KCNMA1: variants seen among roughly 807,000 people sequenced by gnomAD.
KCNMA1 encodes Calcium-activated potassium channel subunit alpha-1.
KCNMA1 carries 29 observed loss-of-function variants against 140.0 expected under a neutral mutation model. The observed-to-expected ratio is 0.21, with a 90% CI of 0.15 to 0.28. KCNMA1 has a LOEUF of 0.28. KCNMA1 is among the 10% of genes least tolerant of loss of function. KCNMA1 has a pLI of 1.00. For synonymous variants in KCNMA1, 612 were observed against 611.9 expected, an observed-to-expected ratio of 1.00 and a Z score of 0.00; for missense variants, 880 against 1,602.2, an observed-to-expected ratio of 0.55 and a Z score of 7.70.
intron 1 of KCNMA1, among the ~76,000 whole-genome samples, chr10:77,610,643 T>C (rs2086494058): frequency 6.6e-6 from 1 of 152,202 alleles, no homozygotes; most frequent in African/African-American, 2.4e-5. Context: ...AAAGGCCACA[T>C]ATTGTGTGAT....
intron 2 of KCNMA1, among the ~76,000 whole-genome samples, chr10:77,363,120 A>ATT (rs59354140): frequency 0.028 from 4,280 of 151,066 alleles, 159 homozygotes; most frequent in African/African-American, 0.084. Flanking sequence ...AATTATTATT[A>ATT]TTTTTTTTTT....
At chr10:77,158,480 T>C (rs2098515439) in intron 5 of KCNMA1, among the ~76,000 whole-genome samples, 1 of 152,076 alleles carries the variant, frequency 6.6e-6, no homozygotes, top group African/African-American at 2.4e-5. Context: ...GTCTCCTCTC[T>C]CTCCCCTTCC....
rs565692130 is a variant in KCNMA1, at chr10:77,620,937, A to G, written c.378+16328T>C. On this transcript the variant is annotated intron_variant, in intron 1 of 27. Transcript: ENST00000286628. ...GTGAGTGGCGCCCTGGAATCATGCA[A>G]TGTGGTTACCGGTATTGCCAGAGAG... Among the ~76,000 whole-genome samples, 8 of 152,280 alleles carry G rather than the reference A, an allele frequency of 5.3e-5. No individual in the cohort carries two copies. The South Asian group carries it at 1.2e-3, about 24-fold the overall frequency.
intron 3 of KCNMA1, among the ~76,000 whole-genome samples, chr10:77,229,336 CAAAAAAA>C (rs146613662): frequency 8.1e-6 from 1 of 123,764 alleles, no homozygotes; most frequent in Non-Finnish European, 1.7e-5. Context: ...AAGCCCATGG[CAAAAAAA>C]AAAAAAAAAA....
intron 1 of KCNMA1, among the ~76,000 whole-genome samples, chr10:77,560,169 C>T (rs1259862824): frequency 6.6e-6 from 1 of 152,028 alleles, no homozygotes; most frequent in Non-Finnish European, 1.5e-5. Context: ...GGTGACAGTG[C>T]GAGACTCTGT....
At chr10:77,019,131 T>C (rs2092531859) in intron 16 of KCNMA1, 32 bp from the exon 17 acceptor site, 1 of 1,182,734 alleles carries the variant, frequency 8.5e-7, no homozygotes, top group Non-Finnish European at 1.3e-6. Context: ...ACAGAGAAGA[T>C]ACATTTGTGA....
rs1339261929 is a variant in KCNMA1, at chr10:77,394,340, C to T, written c.540+9522G>A. Among the ~76,000 whole-genome samples, 4 of 152,202 alleles carry T rather than the reference C, an allele frequency of 2.6e-5. No individual in the cohort carries two copies. In the East Asian group the frequency reaches 7.7e-4, roughly 29 times the overall value. ...CCAGCTAGTAAAATTAACAGCTGCTCTTTACAGGGCGTGCCGGAGAGCCCA... is the reference window on the plus strand; with the variant it reads ...CCAGCTAGTAAAATTAACAGCTGCTTTTTACAGGGCGTGCCGGAGAGCCCA... On this transcript the variant is annotated intron_variant, in intron 2 of 27. Transcript: ENST00000286628.
intron 9 of KCNMA1, among the ~76,000 whole-genome samples, chr10:77,100,345 C>T (rs547258546): frequency 1.9e-4 from 29 of 152,096 alleles, no homozygotes; most frequent in African/African-American, 6.8e-4. Context: ...CTCTGAACTG[C>T]CCCCATGTCC....
rs201816214 is a variant in KCNMA1, at chr10:77,445,395, C to CACAT, written c.379-41373_379-41372insATGT. ...ACACACACACACACACACACACACA[C>CACAT]ATATGAAAAATAAAAAAAATCTTGC... On this transcript the variant is annotated intron_variant, in intron 1 of 27. Transcript: ENST00000286628. Among the ~76,000 whole-genome samples, 1,004 of 148,956 alleles carry CACAT rather than the reference C, an allele frequency of 6.7e-3. 11 individuals carry two copies. Among genetic ancestry groups the CACAT allele is most frequent in the African/African-American group, 0.024 (959 of 40,104 alleles).
chr10:77,629,460 A>G (rs1021685071), intron 1 of KCNMA1, among the ~76,000 whole-genome samples: 11 of 152,174 alleles, frequency 7.2e-5, no homozygotes, highest in Non-Finnish European at 7.3e-5. Context: ...ATAGCATCTA[A>G]CAAATTACCC....
intron 1 of KCNMA1, among the ~76,000 whole-genome samples, chr10:77,573,836 CTTTTTT>C (rs71028290): frequency 7.5e-6 from 1 of 133,712 alleles, no homozygotes; most frequent in African/African-American, 2.7e-5. Context: ...TTATAATACT[CTTTTTT>C]TTTTTTTTTT....
intron 14 of KCNMA1, among the ~76,000 whole-genome samples, chr10:77,042,168 G>A (rs947001678): frequency 6.6e-6 from 1 of 151,648 alleles, no homozygotes; most frequent in African/African-American, 2.4e-5. Flanking sequence ...CCCCAGAGTG[G>A]GGTCTTTAAA....
chr10:76,897,334 C>T (rs1300053589), intron 25 of KCNMA1, among the ~76,000 whole-genome samples: 2 of 151,036 alleles, frequency 1.3e-5, no homozygotes, highest in African/African-American at 4.9e-5. Context: ...TAGACCTGTA[C>T]TCGGTGAATA....
At chr10:76,944,733 C>T (rs200820806) in intron 23 of KCNMA1, 40 bp downstream of exon 23, 3 of 1,577,288 alleles carry the variant, frequency 1.9e-6, no homozygotes, top group Non-Finnish European at 2.6e-6. Flanking sequence ...GCCCCTGTCC[C>T]CTGCAGGCAC....
chr10:77,111,607 CCAT>C (rs2097326586), intron 7 of KCNMA1, among the ~76,000 whole-genome samples: 1 of 152,194 alleles, frequency 6.6e-6, no homozygotes, highest in Non-Finnish European at 1.5e-5. Context: ...CCAACCACTG[CCAT>C]CCCAGGCCTG....
chr10:76,918,717 T>C (rs1223455555), intron 23 of KCNMA1, among the ~76,000 whole-genome samples: 1 of 152,120 alleles, frequency 6.6e-6, no homozygotes, highest in African/African-American at 2.4e-5. Context: ...TCTACCATTT[T>C]ATCCAGCAAT....
intron 5 of KCNMA1, among the ~76,000 whole-genome samples, chr10:77,129,745 G>C (rs2097817033): frequency 6.6e-6 from 1 of 151,494 alleles, no homozygotes; most frequent in Non-Finnish European, 1.5e-5. Context: ...GCAAACAATG[G>C]CAACAAGAAA....
At position 76,885,797 on chromosome 10, in the gene KCNMA1, G is replaced by A; in HGVS notation, c.*1469C>T. On this transcript the variant is annotated 3_prime_UTR_variant, in exon 28 of 28. Transcript: ENST00000286628. ...TCTGACAACTATATGTTGAAAAAAG[G>A]GTATTTTTCTACCTCTCCTCTCATG... is the stretch of plus-strand genomic sequence containing the variant. 2 of 984,672 alleles carry A rather than the reference G, an allele frequency of 2.0e-6. No individual in the cohort carries two copies. Among genetic ancestry groups the A allele is most frequent in the South Asian group, 4.7e-5 (1 of 21,270 alleles). The allele number at this position is 984,672 out of a possible 1,614,324, so 61.0% of individuals were successfully genotyped here.
intron 1 of KCNMA1, among the ~76,000 whole-genome samples, chr10:77,424,094 T>C (rs907523961): frequency 6.6e-6 from 1 of 152,222 alleles, no homozygotes; most frequent in Non-Finnish European, 1.5e-5. Flanking sequence ...GGCCTTGTTT[T>C]GTTGGTTTGT....
Sources: gnomAD v4.1 joint callset for allele counts (sites outside exome capture counted in the v4.1 genomes callset) on GRCh38, gnomAD v4.1.1 for gene constraint, MANE v1.5 for transcripts, NCBI Gene and HGNC (gene_info 2026-07-23, HGNC 2026-07-21) for gene names.